KCNAB2: variants seen among roughly 807,000 people sequenced by gnomAD.
KCNAB2 encodes the protein potassium voltage-gated channel subfamily A regulatory beta subunit 2, also known as voltage-gated potassium channel subunit beta-2.
A neutral mutation model predicts 63.6 loss-of-function variants in KCNAB2; 29 were observed. The ratio of observed to expected loss-of-function variants is 0.46; its 90% confidence interval spans 0.34 to 0.62. The LOEUF is 0.62. KCNAB2 is among the 20% of genes least tolerant of loss of function. The pLI is 0.01. For missense variants in KCNAB2, 359 were observed against 563.9 expected, an observed-to-expected ratio of 0.64 and a Z score of 3.68; for synonymous variants, 222 against 224.2, an observed-to-expected ratio of 0.99 and a Z score of 0.09.
intron 1 of KCNAB2, among the ~76,000 whole-genome samples, chr1:6,017,480 G>T (rs1193632074): frequency 6.6e-6 from 1 of 151,828 alleles, no homozygotes; most frequent in African/African-American, 2.4e-5. Context: ...TGCTGGGCTG[G>T]TCTAGAATTC....
intron 11 of KCNAB2, among the ~76,000 whole-genome samples, chr1:6,094,836 CA>C (rs1665486162): frequency 6.6e-6 from 1 of 152,236 alleles, no homozygotes; most frequent in Non-Finnish European, 1.5e-5. Flanking sequence ...TGGAGCTCAG[CA>C]AGCACTCTGG....
intron 14 of KCNAB2, among the ~76,000 whole-genome samples, 188 bp from the exon 15 acceptor site, chr1:6,097,081 G>C (rs41279462): frequency 1.3e-5 from 2 of 152,120 alleles, no homozygotes; most frequent in African/African-American, 4.8e-5. Flanking sequence ...AGGGAGCAGC[G>C]GGCTCCCCCA....
upstream of KCNAB2, chr1:6,041,858 G>T (rs372509043): frequency 2.5e-6 from 4 of 1,613,922 alleles, no homozygotes; most frequent in Admixed American, 6.7e-5. Context: ...CCAAAAGACA[G>T]CTCCAGTTTT....
At chr1:6,049,576 C>T (rs773790701) in intron 1 of KCNAB2, among the ~76,000 whole-genome samples, 48 of 152,328 alleles carry the variant, frequency 3.2e-4, no homozygotes, top group Middle Eastern at 3.4e-3. Flanking sequence ...TCCCCAAGGA[C>T]GACTGGTTGC....
At chr1:6,034,793 A>C (rs1049302708) in exon 1 of KCNAB2, 1 of 152,322 alleles carries the variant, frequency 6.6e-6, no homozygotes, top group African/African-American at 2.4e-5. Flanking sequence ...TGGGTCACAG[A>C]GGTATCCATC....
In KCNAB2 at chr1:6,090,452, C is replaced by A; in HGVS notation, c.578C>A (p.Pro193Gln). ...EYVDVVFANR[P>Q]DPNTPMEGDP... Reference sequence around the variant, plus strand: ...GTGGATGTGGTGTTTGCCAACCGCCCGGACCCCAACACCCCGATGGAAGGT... The same window carrying A: ...GTGGATGTGGTGTTTGCCAACCGCCAGGACCCCAACACCCCGATGGAAGGT... Residue 193 changes from proline (P) to glutamine (Q), a missense_variant, in exon 9 of 16, where the codon CCG becomes CAG. Physicochemically the swap from Pro to Gln is moderately conservative, Grantham distance 76. This residue lies in a region of KCNAB2 where 271 missense variants were observed against 476.1 expected (regional missense o/e 0.57). Coordinates refer to ENST00000378083, the MANE Select transcript of KCNAB2 (RefSeq NM_001199862.2). 1 of 1,613,756 alleles carries A rather than the reference C, an allele frequency of 6.2e-7. No homozygotes were observed.
intron 2 of KCNAB2, among the ~76,000 whole-genome samples, chr1:6,066,359 T>TA (rs956537134): frequency 6.6e-6 from 1 of 152,134 alleles, no homozygotes; most frequent in African/African-American, 2.4e-5. Context: ...CGAGAGCGCA[T>TA]AAAATCTGCA....
At position 6,099,141 on chromosome 1, in the gene KCNAB2, A is replaced by T; in HGVS notation, c.*567A>T. 6.5e-6 allele frequency: 1 copy of T among 153,044 alleles called. No individual in the cohort carries two copies. The highest frequency in any genetic ancestry group is 2.1e-4 in the South Asian group (1 of 4,854). The allele number at this position is 153,044 out of a possible 1,614,324, so 9.5% of individuals were successfully genotyped here. On this transcript the variant is annotated 3_prime_UTR_variant, in exon 16 of 16. Coordinates refer to ENST00000378083, the MANE Select transcript of KCNAB2 (RefSeq NM_001199862.2). ...AAGGGCTCCAGGAATCTGGGGCCTG[A>T]CCACAGATTCCTCTCCCATCCTTTT...
intron 6 of KCNAB2, 56 bp downstream of exon 6, chr1:6,085,304 C>G: frequency 2.0e-6 from 3 of 1,533,502 alleles, no homozygotes; most frequent in Non-Finnish European, 2.7e-6. Flanking sequence ...CGAACTATCC[C>G]AGGGTCAGCC....
At position 6,051,583 on chromosome 1, in the gene KCNAB2, G is replaced by A. The variant is rs969933391; in HGVS notation, c.47G>A (p.Arg16Lys). The change falls in exon 2 of 16, where the codon AGG (arginine) becomes AAG (lysine). Residue 16 changes from arginine to lysine, a missense_variant. By Grantham distance (26) the Arg-to-Lys change is conservative (BLOSUM62 2). Coordinates refer to ENST00000378083, the MANE Select transcript of KCNAB2 (RefSeq NM_001199862.2). ...GAGAGTCTGCGGAGCGTGAGCAGCA[G>A]GTGCCACTCTGAATGGGCCCTGCAC... ...YSESLRSVSS[R>K]CHSEWALHPV... The A allele has an allele frequency of 6.5e-7, 1 of 1,534,480 alleles. No homozygotes were observed. The highest frequency in any genetic ancestry group is 8.7e-7 in the Non-Finnish European group (1 of 1,146,132).
Position 6,087,084 on chromosome 1 carries a change from C to T in KCNAB2, c.426-383C>T, listed in dbSNP as rs1165466176. ...CCCCTGGCCCACACCCGGCCTCCTC[C>T]AGCCTTGGCTCTTGCCACTTCCTCT... On this transcript the variant is annotated intron_variant, in intron 6 of 15. Transcript: ENST00000378083. The surrounding 1 kb of genome is among the most constrained non-coding windows in gnomAD (Gnocchi z 6.4). Among the ~76,000 whole-genome samples the T allele has an allele frequency of 6.6e-6, 1 of 152,196 alleles. No homozygotes were observed. The highest frequency in any genetic ancestry group is 1.5e-5 in the Non-Finnish European group (1 of 68,036).
chr1:6,006,575 CATCCCCCCACTTCACCCTCACCCCTCA>C (rs1315831633), intron 1 of KCNAB2, among the ~76,000 whole-genome samples: 19 of 3,150 alleles, frequency 6.0e-3, no homozygotes, highest in African/African-American at 7.9e-3. Flanking sequence ...TCAGCTCCCA[CATCCCCCCACTTCACCCTCACCCCTCA>C]GCTCAGCTCC....
At chr1:6,046,487 CG>C (rs1325111021) in intron 1 of KCNAB2, among the ~76,000 whole-genome samples, 1 of 152,208 alleles carries the variant, frequency 6.6e-6, no homozygotes, top group Non-Finnish European at 1.5e-5. Context: ...GCCGGAGACA[CG>C]GGCGTCTAGC....
chr1:6,006,982 T>C (rs1394856108), intron 1 of KCNAB2, among the ~76,000 whole-genome samples: 3 of 152,154 alleles, frequency 2.0e-5, no homozygotes, highest in Non-Finnish European at 4.4e-5. Context: ...CCTTATTCTG[T>C]GCTGGGCACT....
chr1:6,024,131 G>A lies in KCNAB2; in HGVS notation c.-52-16386G>A, dbSNP rs185499375. ...TAATTTTTGTATTTTTAGTAGAGAC[G>A]GGGTTTCACCATGTTGGTCAGGCTG... On this transcript the variant is annotated intron_variant, in intron 1 of 16. Transcript: ENST00000341524. The surrounding 1 kb of genome is among the most constrained non-coding windows in gnomAD (Gnocchi z 5.4). Among the ~76,000 whole-genome samples, 351 of 152,142 alleles carry A rather than the reference G, an allele frequency of 2.3e-3. 4 individuals are homozygous for A. The highest frequency in any genetic ancestry group is 0.02 in the Admixed American group (306 of 15,268).
intron 15 of KCNAB2, chr1:6,097,824 A>C: frequency 3.4e-6 from 1 of 292,202 alleles, no homozygotes; most frequent in Non-Finnish European, 6.3e-6. Flanking sequence ...AGAGGCACGA[A>C]ACACCTCCAG....
chr1:6,014,509 A>G (rs1189509117), intron 1 of KCNAB2, among the ~76,000 whole-genome samples: 1 of 152,270 alleles, frequency 6.6e-6, no homozygotes, highest in Non-Finnish European at 1.5e-5. Context: ...CAAATCAAAA[A>G]TAAATGAGGC....
chr1:5,997,558 C>T (rs1474851932), intron 1 of KCNAB2, among the ~76,000 whole-genome samples: 1 of 152,204 alleles, frequency 6.6e-6, no homozygotes, highest in East Asian at 1.9e-4. Flanking sequence ...AGCATGCTCC[C>T]CCTCCTTCAC....
At chr1:6,020,027 TC>T (rs1658731975) in intron 1 of KCNAB2, among the ~76,000 whole-genome samples, 1 of 152,140 alleles carries the variant, frequency 6.6e-6, no homozygotes, top group Non-Finnish European at 1.5e-5. Flanking sequence ...GCCTAGAGTT[TC>T]CCACAGGTGG....
Sources: allele counts gnomAD v4.1 joint callset (sites outside exome capture counted in the v4.1 genomes callset), GRCh38; gene constraint gnomAD v4.1.1; regional missense constraint gnomAD v4.1.1; non-coding constraint Gnocchi (gnomAD v3.1); transcripts MANE v1.5; gene names NCBI Gene and HGNC (gene_info 2026-07-23, HGNC 2026-07-21).